SATL1: variants seen among roughly 807,000 people sequenced by gnomAD.
SATL1 encodes the protein spermidine/spermine N1-acetyl transferase like 1, also known as spermidine/spermine N(1)-acetyltransferase-like protein 1.
Under a neutral mutation model 51.8 loss-of-function variants are expected in SATL1, and 47 were observed. The observed-to-expected ratio is 0.91, with a 90% CI of 0.72 to 1.16. SATL1 has a LOEUF of 1.16. Ranked by LOEUF, SATL1 falls within the 50% of genes most tolerant of loss-of-function variation. The pLI is 0.00. For missense variants in SATL1, 520 were observed against 526.4 expected (o/e 0.99, Z 0.12); for synonymous variants, 176 against 182.4 (o/e 0.97, Z 0.28).
intron 2 of SATL1, among the ~76,000 whole-genome samples, chrX:85,187,322 C>A (rs1927335415): frequency 9.0e-6 from 1 of 110,979 alleles, no homozygotes; most frequent in African/African-American, 3.3e-5. Context: ...TTATTTTTTT[C>A]TCTTGCCTAA....
intron 2 of SATL1, among the ~76,000 whole-genome samples, chrX:85,127,248 C>T (rs1203505182): frequency 9.0e-6 from 1 of 110,924 alleles, no homozygotes; most frequent in Non-Finnish European, 1.9e-5. Context: ...TCACTTCACC[C>T]CACTCCTGTT....
chrX:85,098,994 A>G (rs1195943529), intron 4 of SATL1, among the ~76,000 whole-genome samples: 1 of 111,667 alleles, frequency 9.0e-6, no homozygotes, highest in African/African-American at 3.2e-5. Flanking sequence ...GAGAAAATCA[A>G]TGAAGGTTGA....
At chrX:85,221,120 C>G (rs1312730766) in intron 2 of SATL1, among the ~76,000 whole-genome samples, 2 of 111,328 alleles carry the variant, frequency 1.8e-5, no homozygotes, top group Non-Finnish European at 3.8e-5. Flanking sequence ...TTCCAATTAC[C>G]TTAGAATAAA....
At position 85,214,993 on chromosome X, in the gene SATL1, C is replaced by T. The variant is rs747687640; in HGVS notation, c.-313+9212G>A. 1.2e-4 allele frequency among the ~76,000 whole-genome samples: 13 copies of T among 111,973 alleles called. 1 individual carries two copies. The South Asian group carries it at 2.6e-3, about 22-fold the overall frequency. ...GCTTACAGTTTTACGAGGCTGCAGT[C>T]GCACACTTCCAGGGGCTCTATAATT... On this transcript the variant is annotated intron_variant, in intron 2 of 7. Coordinates refer to ENST00000644105, the MANE Select transcript of SATL1 (RefSeq NM_001367857.2).
chrX:85,102,133 G>T (rs1426756780), intron 4 of SATL1, among the ~76,000 whole-genome samples: 2 of 108,954 alleles, frequency 1.8e-5, no homozygotes, highest in Non-Finnish European at 3.8e-5. Context: ...TGCACAATGT[G>T]CAGGTTTGTT....
intron 2 of SATL1, chrX:85,118,318 C>G: frequency 9.1e-6 from 1 of 109,533 alleles, no homozygotes; most frequent in Admixed American, 1.0e-4. Context: ...TTCCCCAATA[C>G]TTTAGTTAAA....
rs190455853 is a variant in SATL1 at position 85,191,133 on chromosome X, A to T, written c.-313+33072T>A. 2.8e-3 allele frequency among the ~76,000 whole-genome samples: 307 copies of T among 110,779 alleles called. 1 individual carries two copies. The highest frequency in any genetic ancestry group is 5.2e-3 in the African/African-American group (158 of 30,488). On this transcript the variant is annotated intron_variant, in intron 2 of 7. Coordinates refer to ENST00000644105, the MANE Select transcript of SATL1 (RefSeq NM_001367857.2). ...TAAAGTATAATAATAATAATAATAA[A>T]AAATGATACCCATTATTTATGCAAT...
At chrX:85,237,770 A>G (rs1022632455) in intron 1 of SATL1, among the ~76,000 whole-genome samples, 2 of 111,660 alleles carry the variant, frequency 1.8e-5, no homozygotes, top group Non-Finnish European at 3.8e-5. Context: ...AACAAAGTGT[A>G]CAGACAATTC....
Position 85,107,365 on chromosome X carries a change from T to A in SATL1, c.1604A>T (p.Glu535Val), listed in dbSNP as rs1422763285. ...CAAAATTTCTGGGCAGTCTCCAGCC[T>A]CTGCATGTCTTATTTGAAAGTAATC... is the stretch of plus-strand genomic sequence containing the variant. The part of the protein sequence containing the change: ...SMDYFQIRHA[E>V]AGDCPEILRL... Residue 535 changes from glutamate (E) to valine (V), a missense_variant, in exon 3 of 8, where the codon GAG (glutamate) becomes GTG (valine). By Grantham distance (121) the Glu-to-Val change is moderately radical (BLOSUM62 -2). Transcript: ENST00000644105. 8.2e-7 allele frequency: 1 copy of A among 1,212,224 alleles called. No homozygotes were observed. The highest frequency in any genetic ancestry group is 1.1e-6 in the Non-Finnish European group (1 of 895,522).
chrX:85,212,090 A>G (rs747322356), intron 2 of SATL1: 4 of 111,748 alleles, frequency 3.6e-5, no homozygotes, highest in African/African-American at 1.3e-4. Context: ...GGAATAAATT[A>G]CAAGTAAGTT....
rs1227729702 is a variant in SATL1, at chrX:85,154,827, G to A, written c.-312-45547C>T. ...CACTGTCTCTGAATGAGAGGTATGA[G>A]GGGTAAATAACAGTATAGTAAAATC... On this transcript the variant is annotated intron_variant, in intron 2 of 7. Coordinates refer to ENST00000644105, the MANE Select transcript of SATL1 (RefSeq NM_001367857.2). 2.1e-4 allele frequency among the ~76,000 whole-genome samples: 24 copies of A among 112,278 alleles called. 1 individual carries two copies. Among genetic ancestry groups the A allele is most frequent in the Non-Finnish European group, 3.8e-5 (2 of 53,155 alleles).
chrX:85,217,692 T>A (rs139043755), intron 2 of SATL1, among the ~76,000 whole-genome samples: 1,458 of 111,764 alleles, frequency 0.013, 32 homozygotes, highest in African/African-American at 0.046. Flanking sequence ...ATATGTTAGA[T>A]ATCAAATCCA....
chrX:85,128,048 G>C (rs1218474567), intron 2 of SATL1, among the ~76,000 whole-genome samples: 5 of 111,678 alleles, frequency 4.5e-5, no homozygotes, highest in Non-Finnish European at 9.4e-5. Context: ...GTCTATCATT[G>C]ATGGACATTA....
chrX:85,138,092 A>G (rs1482928484), intron 2 of SATL1, among the ~76,000 whole-genome samples: 1 of 112,154 alleles, frequency 8.9e-6, no homozygotes, highest in Non-Finnish European at 1.9e-5. Context: ...TAGCATATTA[A>G]TCATGCTTAT....
chrX:85,170,748 A>G (rs902235527), intron 2 of SATL1, among the ~76,000 whole-genome samples: 2 of 111,816 alleles, frequency 1.8e-5, no homozygotes, highest in South Asian at 3.7e-4. Flanking sequence ...GCTTAAAACA[A>G]TAGTAGTCTT....
intron 2 of SATL1, among the ~76,000 whole-genome samples, chrX:85,174,791 T>C (rs778734463): frequency 1.8e-5 from 2 of 111,917 alleles, no homozygotes; most frequent in East Asian, 5.6e-4. Flanking sequence ...ATATTTGTTT[T>C]AGCTAGATGA....
chrX:85,154,767 T>A (rs1157900007), intron 2 of SATL1, among the ~76,000 whole-genome samples: 2 of 112,506 alleles, frequency 1.8e-5, no homozygotes, highest in Non-Finnish European at 3.8e-5. Flanking sequence ...CCTTCACTTA[T>A]TTGTTTAAAA....
At chrX:85,150,394 G>A (rs1160098334) in intron 2 of SATL1, among the ~76,000 whole-genome samples, 1 of 109,494 alleles carries the variant, frequency 9.1e-6, no homozygotes, top group African/African-American at 3.3e-5. Context: ...GTACAAGGAG[G>A]AACTGGTACC....
intron 5 of SATL1, 135 bp downstream of exon 5, chrX:85,094,781 C>A: frequency 2.3e-6 from 1 of 443,898 alleles, no homozygotes; most frequent in South Asian, 4.1e-5. Context: ...ACATACCATG[C>A]ATTTTCTTTA....
Sources: gnomAD v4.1 joint callset for allele counts (sites outside exome capture counted in the v4.1 genomes callset) on GRCh38, gnomAD v4.1.1 for gene constraint, MANE v1.5 for transcripts, NCBI Gene and HGNC (gene_info 2026-07-23, HGNC 2026-07-21) for gene names.